The following UNC13B variants were observed in gnomAD, a reference collection of about 807,000 sequenced individuals.
UNC13B encodes unc-13 homolog B, also known as protein unc-13 homolog B.
A neutral mutation model predicts 211.0 loss-of-function variants in UNC13B; 144 were observed. The ratio of observed to expected loss-of-function variants is 0.68; its 90% CI spans 0.60 to 0.78. The LOEUF (loss-of-function observed/expected upper bound fraction) is 0.78. UNC13B is among the 30% of genes least tolerant of loss of function. The pLI is 0.00. For synonymous variants in UNC13B, 709 were observed against 725.8 expected (o/e 0.98, Z 0.37); for missense variants, 1,777 against 2,002.0 (o/e 0.89, Z 2.14).
chr9:35,203,900 T>C (rs1823480231), intron 1 of UNC13B, among the ~76,000 whole-genome samples: 1 of 152,244 alleles, frequency 6.6e-6, no homozygotes, highest in African/African-American at 2.4e-5. Context: ...CAAGTGCTAA[T>C]TTTTCAAGAC....
intron 6 of UNC13B, among the ~76,000 whole-genome samples, chr9:35,244,606 A>G (rs1487624172): frequency 1.3e-5 from 2 of 152,090 alleles, no homozygotes; most frequent in Non-Finnish European, 2.9e-5. Context: ...TTGTAGATGT[A>G]TCATTCTAAT....
At chr9:35,166,766 G>T (rs13293564) in intron 1 of UNC13B, among the ~76,000 whole-genome samples, 67,715 of 152,026 alleles carry the variant, frequency 0.45, 16,288 homozygotes, top group African/African-American at 0.59. Context: ...GTCCCCATTC[G>T]GTATTCTTAC....
chr9:35,346,382 C>T (rs889812593), intron 11 of UNC13B, among the ~76,000 whole-genome samples: 3 of 152,166 alleles, frequency 2.0e-5, no homozygotes, highest in Non-Finnish European at 2.9e-5. Flanking sequence ...GGAATAGTTA[C>T]ATTCCTAATC....
At chr9:35,290,744 G>C (rs1254214940) in intron 7 of UNC13B, among the ~76,000 whole-genome samples, 1 of 151,856 alleles carries the variant, frequency 6.6e-6, no homozygotes, top group Admixed American at 6.6e-5. Flanking sequence ...CCTAAATGAT[G>C]GTGTTCTGAG....
chr9:35,392,657 G>C (rs1835610961), intron 26 of UNC13B, among the ~76,000 whole-genome samples: 1 of 146,526 alleles, frequency 6.8e-6, no homozygotes, highest in Non-Finnish European at 1.5e-5. Flanking sequence ...TAGGGGGAGG[G>C]GGGAGGGATA....
At chr9:35,185,884 G>A (rs1352958523) in intron 1 of UNC13B, among the ~76,000 whole-genome samples, 1 of 150,826 alleles carries the variant, frequency 6.6e-6, no homozygotes, top group Non-Finnish European at 1.5e-5. Context: ...TGCCACTGCA[G>A]TCCAGCCTGG....
At chr9:35,315,094 A>G (rs904492012) in intron 11 of UNC13B, among the ~76,000 whole-genome samples, 47 of 140,576 alleles carry the variant, frequency 3.3e-4, no homozygotes, top group Non-Finnish European at 6.9e-4. Context: ...GTCTTGCTGT[A>G]TTGCCCAGGC....
At position 35,400,430 on chromosome 9, in the gene UNC13B, G is replaced by T; in HGVS notation, c.12471G>T (p.Ser4157=). ...CTCTCATCAAGACCTTTGTGCGCTC[G>T]CAGACCACCCAAGGTAAGGCCCTGA... ...TDTLIKTFVR[S]QTTQGSGVDD... The change falls in exon 37 of 40, where the codon TCG becomes TCT. Residue 4157 remains serine, a synonymous_variant. Coordinates refer to ENST00000635942, the MANE Select transcript of UNC13B (RefSeq NM_001371189.2). The T allele has an allele frequency of 6.2e-7, 1 of 1,613,044 alleles. No homozygotes were observed. Among genetic ancestry groups the T allele is most frequent in the East Asian group, 2.2e-5 (1 of 44,866 alleles).
At chr9:35,335,203 A>G (rs1831585707) in intron 11 of UNC13B, among the ~76,000 whole-genome samples, 1 of 152,256 alleles carries the variant, frequency 6.6e-6, no homozygotes, top group Admixed American at 6.5e-5. Context: ...AGGAATTCCC[A>G]GAGAATACTA....
chr9:35,397,839 G>T, intron 30 of UNC13B, 127 bp downstream of exon 30: 1 of 968,700 alleles, frequency 1.0e-6, no homozygotes, highest in Non-Finnish European at 1.5e-6. Context: ...CCATGGCTTT[G>T]CTTCAGATCC....
intron 11 of UNC13B, chr9:35,353,683 C>T (rs1412796686): frequency 1.6e-5 from 20 of 1,231,972 alleles, no homozygotes; most frequent in East Asian, 3.2e-5. Context: ...GTACAGAGAC[C>T]GTTTACCTCA....
rs891688890 is a variant in UNC13B, at chr9:35,404,092, G to A, written c.*59G>A. On this transcript the variant is annotated 3_prime_UTR_variant, in exon 40 of 40. Transcript: ENST00000635942. ...CAATTTCACAAATCAGGGCCAGTGG[G>A]AGTTAGCTGTGTAACCGGCTTAGGG... 7.6e-6 allele frequency: 12 copies of A among 1,572,780 alleles called. No homozygotes were observed. In the Admixed American group the frequency reaches 8.5e-5, roughly 11 times the overall value.
At chr9:35,292,771 T>C (rs1461508619) in intron 7 of UNC13B, among the ~76,000 whole-genome samples, 2 of 152,202 alleles carry the variant, frequency 1.3e-5, no homozygotes, top group Non-Finnish European at 2.9e-5. Flanking sequence ...ATCTTTCAAA[T>C]AGACTTTACC....
chr9:35,353,687 T>C, intron 11 of UNC13B: 1 of 1,232,196 alleles, frequency 8.1e-7, no homozygotes. Flanking sequence ...AGAGACCGTT[T>C]ACCTCAACAA....
chr9:35,287,505 A>C (rs1013648429), intron 7 of UNC13B, among the ~76,000 whole-genome samples: 9 of 151,986 alleles, frequency 5.9e-5, no homozygotes, highest in African/African-American at 1.9e-4. Flanking sequence ...TTGGATTGTC[A>C]ATTGTTCCTC....
Position 35,231,157 on chromosome 9 carries a change from T to A in UNC13B, c.90T>A (p.Asn30Lys). The A allele has an allele frequency of 6.2e-7, 1 of 1,613,472 alleles. No homozygotes were observed. The highest frequency in any genetic ancestry group is 1.3e-5 in the African/African-American group (1 of 75,050). ...CATATGTGACCCTGAAAGTACAGAA[T>A]GTGAAGAGCACAACTGTAGCAGTTC... is the stretch of plus-strand genomic sequence containing the variant. Reference protein sequence around the residue: ...FNTYVTLKVQNVKSTTVAVRG... With the variant: ...FNTYVTLKVQKVKSTTVAVRG... Residue 30 changes from asparagine (N) to lysine (K), a missense_variant, in exon 3 of 40, where the codon AAT becomes AAA. Physicochemically the swap from Asn to Lys is moderately conservative, Grantham distance 94. Coordinates refer to ENST00000635942, the MANE Select transcript of UNC13B (RefSeq NM_001371189.2).
intron 24 of UNC13B, 127 bp downstream of exon 24, chr9:35,386,420 T>A: frequency 7.5e-7 from 1 of 1,326,162 alleles, no homozygotes; most frequent in South Asian, 1.4e-5. Context: ...GAGTGAGTTG[T>A]GGAGTATGAA....
chr9:35,177,094 A>G (rs983232598), intron 1 of UNC13B, among the ~76,000 whole-genome samples: 2 of 152,166 alleles, frequency 1.3e-5, no homozygotes, highest in African/African-American at 4.8e-5. Context: ...AGCCTGGCCA[A>G]CATGACGAAA....
In UNC13B at chr9:35,377,645, AG is replaced by A. The variant is rs1306608812; in HGVS notation, c.10014del (p.Ser3339ValfsTer36). 6.2e-7 allele frequency: 1 copy of A among 1,614,220 alleles called. No individual in the cohort carries two copies. Among genetic ancestry groups the A allele is most frequent in the Non-Finnish European group, 8.5e-7 (1 of 1,180,042 alleles). ...GTGCAGCAGATGAAAACAGTGAAGCAGAGTGTACTGGATGGCACCTCCAAAT... is the reference window on the plus strand; with the variant it reads ...GTGCAGCAGATGAAAACAGTGAAGCAAGTGTACTGGATGGCACCTCCAAAT... ...AHVQQMKTVKQSVLDGTSKWS... is the reference protein window; with the variant it reads ...AHVQQMKTVKXSVLDGTSKWS... On this transcript the variant is annotated frameshift_variant, in exon 16 of 40. Coordinates refer to ENST00000635942, the MANE Select transcript of UNC13B (RefSeq NM_001371189.2). LOFTEE classifies it high-confidence loss of function.
Sources: gnomAD v4.1 joint callset for allele counts (sites outside exome capture counted in the v4.1 genomes callset) on GRCh38, gnomAD v4.1.1 for gene constraint, MANE v1.5 for transcripts, NCBI Gene and HGNC (gene_info 2026-07-23, HGNC 2026-07-21) for gene names.